C1QTNF2: variants seen among roughly 807,000 people sequenced by gnomAD.
The protein encoded by C1QTNF2 is C1q and TNF related 2.
In C1QTNF2, 15 loss-of-function variants were observed where a neutral mutation model predicts 17.4. The ratio of observed to expected loss-of-function variants is 0.86; its 90% CI spans 0.58 to 1.33. The LOEUF is 1.33. Ranked by LOEUF, C1QTNF2 falls within the 40% of genes most tolerant of loss-of-function variation. The pLI, the probability that C1QTNF2 is intolerant of heterozygous loss-of-function variation, is 0.00. For synonymous variants in C1QTNF2, 154 were observed against 163.3 expected (o/e 0.94, Z 0.44); for missense variants, 381 against 392.3 (o/e 0.97, Z 0.24).
In C1QTNF2 at chr5:160,354,763, C is replaced by T. The variant is rs1487041492; in HGVS notation, c.244+5G>A. ...GAACGAGAGTGGCACGTATAGGCCT[C>T]TTACCTTCCTCTCCGCTGTCCCCCC... is the stretch of plus-strand genomic sequence containing the variant. On this transcript the variant is annotated splice_donor_5th_base_variant and intron_variant, in intron 2 of 2. Coordinates refer to ENST00000652664, the MANE Select transcript of C1QTNF2 (RefSeq NM_031908.6). 1 of 1,613,598 alleles carries T rather than the reference C, an allele frequency of 6.2e-7. No individual in the cohort carries two copies. The highest frequency in any genetic ancestry group is 8.5e-7 in the Non-Finnish European group (1 of 1,179,950).
intron 1 of C1QTNF2, among the ~76,000 whole-genome samples, chr5:160,361,073 G>C (rs895301270): frequency 7.9e-5 from 12 of 152,194 alleles, no homozygotes; most frequent in African/African-American, 2.9e-4. Context: ...TTACAGGTGT[G>C]AGCCACTGTA....
At chr5:160,351,438 G>A (rs1226811625) in intron 2 of C1QTNF2, among the ~76,000 whole-genome samples, 1 of 152,100 alleles carries the variant, frequency 6.6e-6, no homozygotes, top group East Asian at 1.9e-4. Context: ...TTTGTATGTA[G>A]GCATTTCACT....
Position 160,349,804 on chromosome 5 carries a change from T to A in C1QTNF2, c.245-23A>T. On this transcript the variant is annotated intron_variant, in intron 2 of 2. Coordinates refer to ENST00000652664, the MANE Select transcript of C1QTNF2 (RefSeq NM_031908.6). This position sits in a 1 kb window ranked among gnomAD's most constrained non-coding sequence, Gnocchi z 4.3. The stretch of plus-strand genomic sequence containing the variant: ...GACCTGGAAGACAGAGCAGCTGGTG[T>A]TATGGAGGGTCCTCACAGACCTAGG... The A allele has an allele frequency of 6.6e-7, 1 of 1,511,252 alleles. No homozygotes were observed. Among genetic ancestry groups the A allele is most frequent in the Non-Finnish European group, 8.8e-7 (1 of 1,140,896 alleles). The allele number at this position is 1,511,252 out of a possible 1,614,324, so 93.6% of individuals were successfully genotyped here.
chr5:160,367,186 A>G (rs1385704280), intron 1 of C1QTNF2, among the ~76,000 whole-genome samples: 2 of 152,188 alleles, frequency 1.3e-5, no homozygotes, highest in Admixed American at 6.5e-5. Flanking sequence ...ACTACTCTGT[A>G]CTTTTTGTTT....
chr5:160,354,880 T>TGGGCCCTGGGGGCCAGGCA lies in C1QTNF2; in HGVS notation c.113_131dup (p.Pro45AlafsTer51), dbSNP rs1764015789. On this transcript the variant is annotated frameshift_variant, in exon 2 of 3. Coordinates refer to ENST00000652664, the MANE Select transcript of C1QTNF2 (RefSeq NM_031908.6). LOFTEE classifies it high-confidence loss of function. ...GCCCTGGGGCTCCTGGGGGGCCGGG[T>TGGGCCCTGGGGGCCAGGCA]GGGCCCTGGGGGCCAGGCAGGCTGC... 2.5e-6 allele frequency: 4 copies of TGGGCCCTGGGGGCCAGGCA among 1,606,426 alleles called. No homozygotes were observed. The African/African-American group carries it at 5.4e-5, about 21-fold the overall frequency.
At chr5:160,353,511 G>A (rs1262550206) in intron 2 of C1QTNF2, among the ~76,000 whole-genome samples, 2 of 152,060 alleles carry the variant, frequency 1.3e-5, no homozygotes, top group Admixed American at 6.6e-5. Context: ...CACACGCAGG[G>A]GTGGGTCCAT....
chr5:160,351,299 T>C (rs1017445720), intron 2 of C1QTNF2, among the ~76,000 whole-genome samples: 12 of 152,208 alleles, frequency 7.9e-5, no homozygotes, highest in African/African-American at 2.4e-5. Context: ...TACAACATTT[T>C]AAGCAAAACC....
chr5:160,367,037 A>G (rs1487695353), intron 1 of C1QTNF2, among the ~76,000 whole-genome samples: 3 of 151,836 alleles, frequency 2.0e-5, no homozygotes, highest in Non-Finnish European at 4.4e-5. Context: ...AAAAAAAAAA[A>G]AAGAAAAAGA....
At position 160,370,564 on chromosome 5, in the gene C1QTNF2, C is replaced by A; in HGVS notation, c.-62G>T. 1 of 1,436,192 alleles carries A rather than the reference C, an allele frequency of 7.0e-7. No homozygotes were observed. Among genetic ancestry groups the A allele is most frequent in the Non-Finnish European group, 9.1e-7 (1 of 1,102,780 alleles). The allele number at this position is 1,436,192 out of a possible 1,614,324, so 89.0% of individuals were successfully genotyped here. A position where few individuals can be genotyped will look rare whatever the true frequency, so the allele number is the denominator to read the frequency against. On this transcript the variant is annotated 5_prime_UTR_variant, in exon 1 of 3. Transcript: ENST00000652664. ...GCGTCCGGAGCAAAGAAGCTCTCGG[C>A]GGGGCTCCGCGTCCCGGCTTTCCTC... is the stretch of plus-strand genomic sequence containing the variant.
chr5:160,353,784 C>G (rs2113508685), intron 2 of C1QTNF2, among the ~76,000 whole-genome samples: 1 of 126,622 alleles, frequency 7.9e-6, no homozygotes, highest in Non-Finnish European at 1.6e-5. Flanking sequence ...TTGGACTTCT[C>G]AGGCTTTTTT....
At chr5:160,370,451 C>T (rs964608975) in intron 1 of C1QTNF2, 61 bp downstream of exon 1, 1 of 1,371,880 alleles carries the variant, frequency 7.3e-7, no homozygotes. Flanking sequence ...TGCGAGTCCT[C>T]CTCCTCCTCC....
At chr5:160,355,532 G>A (rs546836668) in intron 1 of C1QTNF2, among the ~76,000 whole-genome samples, 1 of 152,314 alleles carries the variant, frequency 6.6e-6, no homozygotes, top group African/African-American at 2.4e-5. Flanking sequence ...ACCATCACCT[G>A]AGTGACCCTG....
intron 1 of C1QTNF2, among the ~76,000 whole-genome samples, chr5:160,368,113 C>A (rs1187811329): frequency 2.0e-5 from 3 of 152,196 alleles, no homozygotes. Flanking sequence ...GAGTTACTAA[C>A]AGGGCAGTGA....
At chr5:160,370,474 CT>C in intron 1 of C1QTNF2, 37 bp downstream of exon 1, 2 of 1,397,870 alleles carry the variant, frequency 1.4e-6, no homozygotes, top group South Asian at 1.6e-5. Flanking sequence ...CCCGCGCGCA[CT>C]TGCCGCCCCC....
chr5:160,349,414 G>C lies in C1QTNF2; in HGVS notation c.612C>G (p.Ala204=). 1.2e-6 allele frequency: 2 copies of C among 1,614,010 alleles called. No homozygotes were observed. Among genetic ancestry groups the C allele is most frequent in the Middle Eastern group, 3.3e-4 (2 of 6,062 alleles). The part of the protein sequence containing the change: ...IYYFTYDITL[A]NKHLAIGLVH... The stretch of plus-strand genomic sequence containing the variant: ...CCAGGCCGATGGCCAGGTGCTTGTT[G>C]GCCAGCGTGATGTCGTAGGTGAAGT... Residue 204 remains alanine (A), a synonymous_variant, in exon 3 of 3, where the codon GCC becomes GCG. Transcript: ENST00000652664. This position sits in a 1 kb window ranked among gnomAD's most constrained non-coding sequence, Gnocchi z 4.3.
chr5:160,368,341 G>A (rs1220730473), intron 1 of C1QTNF2, among the ~76,000 whole-genome samples: 10 of 152,042 alleles, frequency 6.6e-5, no homozygotes, highest in Admixed American at 5.2e-4. Context: ...AGACCAGCCC[G>A]GCCAATATGG....
At chr5:160,351,837 G>C (rs535749219) in intron 2 of C1QTNF2, among the ~76,000 whole-genome samples, 1 of 149,590 alleles carries the variant, frequency 6.7e-6, no homozygotes, top group Non-Finnish European at 1.5e-5. Context: ...AAGTCACAAA[G>C]CTATTTCTTG....
intron 1 of C1QTNF2, among the ~76,000 whole-genome samples, chr5:160,363,896 C>T (rs919364210): frequency 1.3e-5 from 2 of 152,200 alleles, no homozygotes; most frequent in African/African-American, 4.8e-5. Flanking sequence ...TGAGGGTGTT[C>T]ATATCCCCAT....
chr5:160,367,703 G>T (rs530197194), intron 1 of C1QTNF2, among the ~76,000 whole-genome samples: 17 of 152,306 alleles, frequency 1.1e-4, no homozygotes, highest in African/African-American at 4.1e-4. Context: ...CCAGTCTGTG[G>T]TGTTGTCACG....
Sources: allele counts gnomAD v4.1 joint callset (sites outside exome capture counted in the v4.1 genomes callset), GRCh38; gene constraint gnomAD v4.1.1; non-coding constraint Gnocchi (gnomAD v3.1); transcripts MANE v1.5; gene names NCBI Gene and HGNC (gene_info 2026-07-23, HGNC 2026-07-21).